Variants in EYA1 observed in about 807,000 individuals in gnomAD.
EYA1 encodes EYA transcriptional coactivator and phosphatase 1.
In EYA1, 16 loss-of-function variants were observed where a neutral mutation model predicts 82.0. The observed-to-expected ratio is 0.20, with a 90% confidence interval of 0.13 to 0.30. The LOEUF is 0.30. EYA1 is among the 10% of genes least tolerant of loss of function. The pLI, the probability that EYA1 is intolerant of heterozygous loss-of-function variation, is 1.00. For synonymous variants in EYA1, 261 were observed against 264.4 expected, an observed-to-expected ratio of 0.99 and a Z score of 0.12; for missense variants, 633 against 730.7, an observed-to-expected ratio of 0.87 and a Z score of 1.54.
intron 2 of EYA1, among the ~76,000 whole-genome samples, chr8:71,483,596 G>A (rs1043262219): frequency 6.6e-6 from 1 of 151,886 alleles, no homozygotes; most frequent in African/African-American, 2.4e-5. Flanking sequence ...TGGCCTCTGG[G>A]GAAGCTGGAA....
chr8:71,406,838 G>GCAGC (rs1229334061), intron 2 of EYA1, among the ~76,000 whole-genome samples: 2 of 144,652 alleles, frequency 1.4e-5, no homozygotes, highest in African/African-American at 5.1e-5. Flanking sequence ...GGTAAACAAA[G>GCAGC]CAGCCGGGAA....
At chr8:71,247,129 C>T (rs977658307) in intron 11 of EYA1, among the ~76,000 whole-genome samples, 2 of 151,840 alleles carry the variant, frequency 1.3e-5, no homozygotes, top group Non-Finnish European at 2.9e-5. Context: ...GCTCACTTCC[C>T]TCTAGCACCT....
At chr8:71,308,137 G>A (rs1820930124) in intron 7 of EYA1, among the ~76,000 whole-genome samples, 1 of 152,116 alleles carries the variant, frequency 6.6e-6, no homozygotes, top group South Asian at 2.1e-4. Context: ...TTTCTAATCT[G>A]TCATGCCAAA....
chr8:71,356,819 C>G (rs1826932001), intron 1 of EYA1: 5 of 954,276 alleles, frequency 5.2e-6, no homozygotes, highest in Non-Finnish European at 6.4e-6. Flanking sequence ...ACATGCAAAG[C>G]AGCCTTGCCC....
chr8:71,364,939 C>CATATATATAT (rs34890892), upstream of EYA1, among the ~76,000 whole-genome samples: 6 of 88,182 alleles, frequency 6.8e-5, no homozygotes, highest in African/African-American at 9.1e-5. Flanking sequence ...AAGCAAATGT[C>CATATATATAT]ATATATATAT....
At chr8:71,287,093 C>T (rs1818469959) in intron 9 of EYA1, among the ~76,000 whole-genome samples, 3 of 151,834 alleles carry the variant, frequency 2.0e-5, no homozygotes, top group African/African-American at 7.3e-5. Flanking sequence ...AGACACCCCG[C>T]TTGGCCTAAA....
chr8:71,510,270 A>T (rs1563687990), intron 2 of EYA1, among the ~76,000 whole-genome samples: 1 of 152,172 alleles, frequency 6.6e-6, no homozygotes, highest in Non-Finnish European at 1.5e-5. Flanking sequence ...CACGATTGAA[A>T]ACACAGCTGT....
At chr8:71,242,322 C>G (rs1812570550) in intron 12 of EYA1, among the ~76,000 whole-genome samples, 1 of 152,122 alleles carries the variant, frequency 6.6e-6, no homozygotes, top group African/African-American at 2.4e-5. Context: ...ATGAATCTTT[C>G]ATTTATACTT....
chr8:71,397,973 A>G (rs1258548696), intron 2 of EYA1, among the ~76,000 whole-genome samples: 1 of 152,116 alleles, frequency 6.6e-6, no homozygotes, highest in African/African-American at 2.4e-5. Flanking sequence ...TATTTCTTGG[A>G]GGCTTTGTTC....
intron 2 of EYA1, among the ~76,000 whole-genome samples, chr8:71,468,902 G>A (rs1808971356): frequency 6.6e-6 from 1 of 151,952 alleles, no homozygotes; most frequent in Non-Finnish European, 1.5e-5. Context: ...ACCAAGGGGA[G>A]GCATTACGTC....
intron 7 of EYA1, among the ~76,000 whole-genome samples, chr8:71,301,091 T>C (rs1033826966): frequency 6.6e-6 from 1 of 152,226 alleles, no homozygotes; most frequent in African/African-American, 2.4e-5. Flanking sequence ...ATAAATGTGT[T>C]GGCAGTTCAA....
chr8:71,292,519 T>C (rs1819115274), intron 9 of EYA1, among the ~76,000 whole-genome samples: 1 of 152,046 alleles, frequency 6.6e-6, no homozygotes, highest in Non-Finnish European at 1.5e-5. Context: ...GAATTTACCA[T>C]GGAATACCCT....
chr8:71,226,031 A>G (rs1438675255), intron 12 of EYA1, among the ~76,000 whole-genome samples: 1 of 152,198 alleles, frequency 6.6e-6, no homozygotes, highest in Non-Finnish European at 1.5e-5. Context: ...TATTTAGAGA[A>G]CAAAGTCTTT....
chr8:71,471,083 T>G (rs1047487861), intron 2 of EYA1, among the ~76,000 whole-genome samples: 1 of 152,054 alleles, frequency 6.6e-6, no homozygotes, highest in African/African-American at 2.4e-5. Context: ...AATGTTATAT[T>G]TGGTGGTCCT....
intron 7 of EYA1, among the ~76,000 whole-genome samples, chr8:71,308,294 G>A (rs920965): frequency 2.0e-5 from 3 of 151,990 alleles, no homozygotes; most frequent in African/African-American, 7.3e-5. Flanking sequence ...TGGAATCAAA[G>A]GATCCCATTT....
chr8:71,271,794 G>A lies in EYA1; in HGVS notation c.930C>T (p.Asn310=), dbSNP rs745910111. ...AATCTGGGGGAGGTGAAGGATTATT[G>A]TTTCTTCGGCCCCGTCCACGTGATT... is the stretch of plus-strand genomic sequence containing the variant. The part of the protein sequence containing the change: ...DGKSRGRGRR[N]NNPSPPPDSD... The change falls in exon 10 of 18, where the codon AAC becomes AAT. Residue 310 remains asparagine (N), a synonymous_variant. Transcript: ENST00000340726. 6.2e-7 allele frequency: 1 copy of A among 1,614,170 alleles called. No homozygotes were observed. The highest frequency in any genetic ancestry group is 8.5e-7 in the Non-Finnish European group (1 of 1,180,022).
intron 17 of EYA1, among the ~76,000 whole-genome samples, chr8:71,205,059 T>C (rs1275175184): frequency 3.9e-5 from 6 of 152,226 alleles, no homozygotes. Flanking sequence ...AAGTGGCTTG[T>C]ATTTTTCTCC....
At position 71,380,413 on chromosome 8, in the gene EYA1, A is replaced by G. The variant is rs1385157367; in HGVS notation, c.34-23902T>C. On this transcript the variant is annotated intron_variant, in intron 2 of 18. Coordinates refer to the EYA1 transcript ENST00000643681. ...TAGAAGTCTGATGTTGTGGGAAAAC[A>G]CAAATGTTCATGGACCTGGGTATGT... 2.0e-5 allele frequency among the ~76,000 whole-genome samples: 3 copies of G among 152,122 alleles called. No individual in the cohort carries two copies. The East Asian group carries it at 5.8e-4, about 29-fold the overall frequency.
rs1563422226 is a variant in EYA1 at position 71,299,181 on chromosome 8, T to C, written c.692A>G (p.Asn231Ser). The change falls in exon 9 of 18, where the codon AAC (asparagine) becomes AGC (serine). Residue 231 changes from asparagine (N) to serine (S), a missense_variant. Physicochemically the swap from Asn to Ser is conservative, Grantham distance 46 (BLOSUM62 1). Coordinates refer to ENST00000340726, the MANE Select transcript of EYA1 (RefSeq NM_000503.6). ...ATAATGTGCTGGATACGGTGAGCTGTTATAATACTGTGCGTACTGACCCTG... is the reference window on the plus strand; with the variant it reads ...ATAATGTGCTGGATACGGTGAGCTGCTATAATACTGTGCGTACTGACCCTG... Reference protein sequence around the residue: ...FGQGQYAQYYNSSPYPAHYMT... With the variant: ...FGQGQYAQYYSSSPYPAHYMT... The C allele has an allele frequency of 3.1e-6, 5 of 1,614,036 alleles. No homozygotes were observed. In the Admixed American group the frequency reaches 6.7e-5, roughly 22 times the overall value.
Sources: gnomAD v4.1 joint callset for allele counts (sites outside exome capture counted in the v4.1 genomes callset) on GRCh38, gnomAD v4.1.1 for gene constraint, MANE v1.5 for transcripts, NCBI Gene and HGNC (gene_info 2026-07-23, HGNC 2026-07-21) for gene names.